CDH12: variants seen among roughly 807,000 people sequenced by gnomAD.
CDH12 encodes cadherin-12.
In CDH12, 41 loss-of-function variants were observed where a neutral mutation model predicts 74.1. The ratio of observed to expected loss-of-function variants is 0.55; its 90% CI spans 0.43 to 0.72. The LOEUF (loss-of-function observed/expected upper bound fraction) is 0.72. Among genes scored for constraint, CDH12 ranks in the 30% least tolerant of loss-of-function variants. The probability of loss-of-function intolerance (pLI) is 0.00; values close to 1 mark genes in which losing one functional copy is unlikely to be tolerated. For synonymous variants in CDH12, 399 were observed against 355.0 expected (o/e 1.12, Z -1.39); for missense variants, 945 against 977.2 (o/e 0.97, Z 0.44).
intron 1 of CDH12, among the ~76,000 whole-genome samples, chr5:22,724,280 G>A (rs1209152846): frequency 6.6e-6 from 1 of 151,660 alleles, no homozygotes; most frequent in African/African-American, 2.4e-5. Context: ...GTGAGTTTGT[G>A]TTAATGGGTA....
chr5:22,046,503 C>T (rs972713211), intron 5 of CDH12, among the ~76,000 whole-genome samples: 1 of 140,076 alleles, frequency 7.1e-6, no homozygotes, highest in South Asian at 2.2e-4. Context: ...CGCGATTTGG[C>T]TCACTGCAAG....
chr5:22,609,671 GT>G, intron 1 of CDH12, among the ~76,000 whole-genome samples: 1 of 152,100 alleles, frequency 6.6e-6, no homozygotes, highest in East Asian at 1.9e-4. Flanking sequence ...TTGATAAGCT[GT>G]TTTTTAATGC....
intron 1 of CDH12, among the ~76,000 whole-genome samples, chr5:22,722,111 C>T (rs1743929169): frequency 6.6e-6 from 1 of 152,170 alleles, no homozygotes; most frequent in Admixed American, 6.5e-5. Flanking sequence ...ACCTTTGTGA[C>T]AATTGTAACA....
chr5:22,218,091 C>G (rs1001572436), intron 3 of CDH12, among the ~76,000 whole-genome samples: 1 of 151,614 alleles, frequency 6.6e-6, no homozygotes, highest in Non-Finnish European at 1.5e-5. Context: ...ACTCTCATTA[C>G]GTCAAGTGTC....
chr5:22,125,790 G>A (rs1745821626), intron 4 of CDH12, among the ~76,000 whole-genome samples: 2 of 152,158 alleles, frequency 1.3e-5, no homozygotes, highest in Non-Finnish European at 2.9e-5. Context: ...ACACCATTGA[G>A]GTTTTTGAGA....
intron 6 of CDH12, among the ~76,000 whole-genome samples, chr5:21,912,035 T>G (rs2150064235): frequency 6.6e-6 from 1 of 152,184 alleles, no homozygotes; most frequent in African/African-American, 2.4e-5. Context: ...GTCTTTTTGG[T>G]TTGTTTGTGT....
At chr5:22,143,421 G>A (rs1045512007) in intron 4 of CDH12, 9 of 146,592 alleles carry the variant, frequency 6.1e-5, no homozygotes, top group African/African-American at 2.3e-4. Context: ...CCAGGCTGGA[G>A]TGCAATGGCA....
chr5:22,483,769 T>TATATATATATATATATATATATAAA (rs1554044195), intron 2 of CDH12, among the ~76,000 whole-genome samples: 1 of 118,616 alleles, frequency 8.4e-6, no homozygotes, highest in African/African-American at 3.3e-5. Flanking sequence ...TATATAAATT[T>TATATATATATATATATATATATAAA]AATTAATTGG....
chr5:22,662,971 C>T (rs1210616195), intron 1 of CDH12, among the ~76,000 whole-genome samples: 1 of 152,144 alleles, frequency 6.6e-6, no homozygotes, highest in Admixed American at 6.6e-5. Flanking sequence ...AATTATAGAT[C>T]CCTCTCCCAT....
intron 6 of CDH12, among the ~76,000 whole-genome samples, chr5:21,941,951 G>A (rs960110105): frequency 6.6e-5 from 10 of 152,092 alleles, no homozygotes; most frequent in African/African-American, 2.2e-4. Flanking sequence ...TCTGGAACCT[G>A]TGAAAATGTC....
chr5:21,959,904 G>A (rs1362257007), intron 6 of CDH12, among the ~76,000 whole-genome samples: 6 of 134,090 alleles, frequency 4.5e-5, no homozygotes, highest in Admixed American at 3.3e-4. Flanking sequence ...ATAGCCTGGC[G>A]ACAGAGTGAG....
chr5:22,567,128 A>C (rs1489714863), intron 1 of CDH12, among the ~76,000 whole-genome samples: 1 of 152,194 alleles, frequency 6.6e-6, no homozygotes, highest in Admixed American at 6.5e-5. Context: ...GTAATATTGA[A>C]GAATAGTCAT....
intron 3 of CDH12, among the ~76,000 whole-genome samples, chr5:22,309,222 G>C (rs1738275979): frequency 6.6e-6 from 1 of 152,244 alleles, no homozygotes; most frequent in African/African-American, 2.4e-5. Context: ...TCTTCTCTAA[G>C]GTTGTTGTGT....
chr5:22,485,498 A>G (rs1274812001), intron 2 of CDH12, among the ~76,000 whole-genome samples: 2 of 152,156 alleles, frequency 1.3e-5, no homozygotes, highest in Non-Finnish European at 2.9e-5. Flanking sequence ...CTTAAAATAT[A>G]TTTTTCATCC....
Position 21,751,877 on chromosome 5 carries a change from C to T in CDH12, c.2245G>A (p.Glu749Lys). ...YAYEGSGSVA[E>K]SLSSIDSLTT... is the part of the protein sequence containing the mutation. ...AGAGAGTCTATAGAGCTGAGGGACT[C>T]TGCCACGGACCCACTCCCTTCGTAG... The change falls in exon 15 of 15, where the codon GAG becomes AAG. Residue 749 changes from glutamate to lysine, a missense_variant. Coordinates refer to ENST00000382254, the MANE Select transcript of CDH12 (RefSeq NM_004061.5). 1 of 1,614,018 alleles carries T rather than the reference C, an allele frequency of 6.2e-7. No homozygotes were observed. Among genetic ancestry groups the T allele is most frequent in the East Asian group, 2.2e-5 (1 of 44,864 alleles).
Position 22,100,652 on chromosome 5 carries a change from G to GACACACACACACACAC in CDH12, c.-186-21806_-186-21791dup, listed in dbSNP as rs150777646. ...TTTATCTACTATATGCCATACATTA[G>GACACACACACACACAC]ACACACACACACACACACACACACA... On this transcript the variant is annotated intron_variant, in intron 4 of 14. Transcript: ENST00000382254. 9.3e-3 allele frequency among the ~76,000 whole-genome samples: 1,348 copies of GACACACACACACACAC among 144,316 alleles called. 14 individuals are homozygous for GACACACACACACACAC. The highest frequency in any genetic ancestry group is 0.016 in the African/African-American group (635 of 38,772). 94.7% of individuals were successfully genotyped at this position (144,316 alleles called of 152,430 possible).
chr5:21,972,789 C>T (rs1173331391), intron 6 of CDH12, among the ~76,000 whole-genome samples: 2 of 151,952 alleles, frequency 1.3e-5, no homozygotes, highest in African/African-American at 4.8e-5. Flanking sequence ...AGTGTTTATA[C>T]CTCTTTGTAC....
chr5:22,579,708 G>A (rs1739982589), intron 1 of CDH12, among the ~76,000 whole-genome samples: 1 of 152,064 alleles, frequency 6.6e-6, no homozygotes, highest in East Asian at 1.9e-4. Context: ...CAGTGTTAGA[G>A]CAGAAAATAA....
Position 21,752,065 on chromosome 5 carries a change from T to C in CDH12, c.2057A>G (p.Glu686Gly). Reference protein sequence around the residue: ...GALRNPKVIEENKIRRDIKPD... With the variant: ...GALRNPKVIEGNKIRRDIKPD... ...TTTTATATCCCTGCGAATTTTGTTC[T>C]CCTCAATCACTTTTGGGTTTCTCAG... Residue 686 changes from glutamate (E) to glycine (G), a missense_variant, in exon 15 of 15, where the codon GAG becomes GGG. By Grantham distance (98) the Glu-to-Gly change is moderately conservative (BLOSUM62 -2). This residue lies in a region of CDH12 where 791 missense variants were observed against 792.8 expected (regional missense o/e 1.00). Coordinates refer to ENST00000382254, the MANE Select transcript of CDH12 (RefSeq NM_004061.5). The C allele has an allele frequency of 1.9e-6, 3 of 1,614,124 alleles. No individual in the cohort carries two copies. Among genetic ancestry groups the C allele is most frequent in the Non-Finnish European group, 2.5e-6 (3 of 1,180,008 alleles).
Sources: allele counts gnomAD v4.1 joint callset (sites outside exome capture counted in the v4.1 genomes callset), GRCh38; gene constraint gnomAD v4.1.1; regional missense constraint gnomAD v4.1.1; transcripts MANE v1.5; gene names NCBI Gene and HGNC (gene_info 2026-07-23, HGNC 2026-07-21).